IL1RAPL1: variants seen among roughly 807,000 people sequenced by gnomAD.
IL1RAPL1 encodes interleukin-1 receptor accessory protein-like 1.
IL1RAPL1 carries 3 observed loss-of-function variants against 48.4 expected under a neutral mutation model. The ratio of observed to expected loss-of-function variants is 0.06; its 90% confidence interval spans 0.03 to 0.16. The LOEUF (loss-of-function observed/expected upper bound fraction) is 0.16, where lower values mean the gene tolerates loss of function less well. IL1RAPL1 is among the 10% of genes least tolerant of loss of function. IL1RAPL1 has a pLI of 1.00. For synonymous variants in IL1RAPL1, 185 were observed against 187.7 expected (o/e 0.99, Z 0.12); for missense variants, 349 against 530.6 (o/e 0.66, Z 3.36).
chrX:28,961,832 A>G (rs181972463), intron 2 of IL1RAPL1, among the ~76,000 whole-genome samples: 85 of 111,933 alleles, frequency 7.6e-4, no homozygotes, highest in Admixed American at 3.5e-3. Context: ...TCTCCTGGGA[A>G]GCAAAATTGC....
chrX:29,399,590 G>A (rs866264232), intron 5 of IL1RAPL1, among the ~76,000 whole-genome samples: 29 of 111,470 alleles, frequency 2.6e-4, no homozygotes, highest in Middle Eastern at 4.6e-3. Context: ...GGAGGCCAAG[G>A]TGGGCGAATC....
intron 5 of IL1RAPL1, among the ~76,000 whole-genome samples, chrX:29,509,954 G>A (rs979697477): frequency 1.8e-5 from 2 of 111,665 alleles, no homozygotes; most frequent in African/African-American, 3.3e-5. Flanking sequence ...AAGACAATGG[G>A]ATCACTCATA....
chrX:28,706,526 C>A (rs763579632), intron 1 of IL1RAPL1, among the ~76,000 whole-genome samples: 1 of 110,757 alleles, frequency 9.0e-6, no homozygotes, highest in South Asian at 3.9e-4. Flanking sequence ...GATTCTCCTG[C>A]CTCAGCCTCC....
intron 2 of IL1RAPL1, among the ~76,000 whole-genome samples, chrX:28,826,374 C>T (rs1936995066): frequency 9.0e-6 from 1 of 111,300 alleles, no homozygotes; most frequent in South Asian, 3.7e-4. Flanking sequence ...GAGGCAGTTT[C>T]CACATTATGT....
intron 3 of IL1RAPL1, among the ~76,000 whole-genome samples, chrX:29,335,999 T>A (rs1932987577): frequency 9.2e-6 from 1 of 108,726 alleles, no homozygotes; most frequent in African/African-American, 3.3e-5. Flanking sequence ...TTTGGTTGTT[T>A]ATGGAAATAT....
At chrX:29,727,047 A>G (rs536670728) in intron 6 of IL1RAPL1, among the ~76,000 whole-genome samples, 26 of 111,663 alleles carry the variant, frequency 2.3e-4, no homozygotes, top group African/African-American at 7.8e-4. Flanking sequence ...TCAGAACTAA[A>G]TAACTGTTGT....
intron 6 of IL1RAPL1, among the ~76,000 whole-genome samples, chrX:29,779,600 A>C (rs763858786): frequency 4.5e-5 from 5 of 111,144 alleles, no homozygotes; most frequent in African/African-American, 1.6e-4. Flanking sequence ...AACCTAAAAT[A>C]AAAGTTGGAG....
chrX:29,907,162 A>G (rs1005308551), intron 6 of IL1RAPL1, among the ~76,000 whole-genome samples: 7 of 111,478 alleles, frequency 6.3e-5, no homozygotes, highest in Non-Finnish European at 1.9e-5. Flanking sequence ...TTAATTTTTT[A>G]ATGTCCATTC....
chrX:29,508,996 C>A (rs1339249536), intron 5 of IL1RAPL1, among the ~76,000 whole-genome samples: 1 of 111,663 alleles, frequency 9.0e-6, no homozygotes, highest in Non-Finnish European at 1.9e-5. Context: ...CTTGCAATAC[C>A]ACTTTATGCC....
intron 5 of IL1RAPL1, among the ~76,000 whole-genome samples, chrX:29,465,180 G>C (rs1175970856): frequency 9.0e-6 from 1 of 111,668 alleles, no homozygotes. Context: ...CAAGGCAAGA[G>C]GATAGATTGA....
chrX:29,475,076 A>T (rs954291040), intron 5 of IL1RAPL1, among the ~76,000 whole-genome samples: 3 of 112,240 alleles, frequency 2.7e-5, no homozygotes, highest in Non-Finnish European at 3.8e-5. Flanking sequence ...TGCTCCAGAA[A>T]TATTTGTTAC....
At chrX:29,351,077 T>C (rs1440580724) in intron 3 of IL1RAPL1, among the ~76,000 whole-genome samples, 1 of 111,623 alleles carries the variant, frequency 9.0e-6, no homozygotes, top group Non-Finnish European at 1.9e-5. Context: ...GCTAAGACAT[T>C]GTTGATGATG....
chrX:29,694,739 C>T (rs1450464697), intron 6 of IL1RAPL1, among the ~76,000 whole-genome samples: 1 of 111,574 alleles, frequency 9.0e-6, no homozygotes, highest in Non-Finnish European at 1.9e-5. Flanking sequence ...TTGCATTCAT[C>T]AGAGTTCTAG....
At position 29,802,955 on chromosome X, in the gene IL1RAPL1, G is replaced by GTGTACATA. The variant is rs1569173228; in HGVS notation, c.779-114508_779-114507insGTACATAT. Among the ~76,000 whole-genome samples the GTGTACATA allele has an allele frequency of 1.9e-3, 92 of 47,450 alleles. 3 individuals are homozygous for GTGTACATA. The highest frequency in any genetic ancestry group is 4.5e-3 in the African/African-American group (49 of 10,887). The allele number at this position is 47,450 out of a possible 115,157, so 41.2% of individuals were successfully genotyped here. A position where few individuals can be genotyped will look rare whatever the true frequency, so the allele number is the denominator to read the frequency against. On this transcript the variant is annotated intron_variant, in intron 6 of 10. Coordinates refer to ENST00000378993, the MANE Select transcript of IL1RAPL1 (RefSeq NM_014271.4). ...TATGTGTACATATGTATGCATATAT[G>GTGTACATA]TATACATGTGTACATATATACATAC...
At chrX:29,548,538 A>G (rs996246675) in intron 5 of IL1RAPL1, among the ~76,000 whole-genome samples, 1 of 112,203 alleles carries the variant, frequency 8.9e-6, no homozygotes, top group Non-Finnish European at 1.9e-5. Context: ...ATATATGAAC[A>G]TTTCTATAAC....
At chrX:29,736,713 C>G (rs1398498086) in intron 6 of IL1RAPL1, among the ~76,000 whole-genome samples, 1 of 111,899 alleles carries the variant, frequency 8.9e-6, no homozygotes, top group African/African-American at 3.2e-5. Flanking sequence ...GCAACAGAGA[C>G]TCCGTCTCAA....
At chrX:29,752,977 G>A (rs1928527795) in intron 6 of IL1RAPL1, among the ~76,000 whole-genome samples, 1 of 111,566 alleles carries the variant, frequency 9.0e-6, no homozygotes, top group Non-Finnish European at 1.9e-5. Context: ...TGTAAGGTTG[G>A]AGTTTATAAA....
At chrX:29,321,046 T>C (rs2147625451) in intron 3 of IL1RAPL1, among the ~76,000 whole-genome samples, 1 of 111,505 alleles carries the variant, frequency 9.0e-6, no homozygotes, top group Non-Finnish European at 1.9e-5. Context: ...ATGATGATTT[T>C]TCTCAAATAT....
chrX:29,879,145 C>T (rs1931970105), intron 6 of IL1RAPL1, among the ~76,000 whole-genome samples: 1 of 110,915 alleles, frequency 9.0e-6, no homozygotes, highest in Admixed American at 9.6e-5. Flanking sequence ...ATGAGTGAAA[C>T]GATCTGGTCT....
Sources: gnomAD v4.1 joint callset for allele counts (sites outside exome capture counted in the v4.1 genomes callset) on GRCh38, gnomAD v4.1.1 for gene constraint, MANE v1.5 for transcripts, NCBI Gene and HGNC (gene_info 2026-07-23, HGNC 2026-07-21) for gene names.